Variants in SPTAN1 observed in about 807,000 individuals in gnomAD.
The protein encoded by SPTAN1 is spectrin alpha, non-erythrocytic 1, also known as spectrin alpha chain, non-erythrocytic 1.
SPTAN1 carries 61 observed loss-of-function variants against 331.3 expected under a neutral mutation model. The observed-to-expected ratio is 0.18, with a 90% CI of 0.15 to 0.23. The LOEUF (loss-of-function observed/expected upper bound fraction) is 0.23, where lower values mean the gene tolerates loss of function less well. SPTAN1 is among the 10% of genes least tolerant of loss of function. The pLI, the probability that SPTAN1 is intolerant of heterozygous loss-of-function variation, is 1.00. For synonymous variants in SPTAN1, 1,153 were observed against 1,173.9 expected, an observed-to-expected ratio of 0.98 and a Z score of 0.36; for missense variants, 2,043 against 3,147.9, an observed-to-expected ratio of 0.65 and a Z score of 8.40.
chr9:128,589,043 G>A, intron 21 of SPTAN1, 100 bp downstream of exon 21: 1 of 1,520,694 alleles, frequency 6.6e-7, no homozygotes, highest in Non-Finnish European at 8.9e-7. Context: ...AAATGAGAAG[G>A]CTTAGAATTC....
chr9:128,598,728 G>A (rs1474039647), intron 25 of SPTAN1: 11 of 639,122 alleles, frequency 1.7e-5, no homozygotes, highest in African/African-American at 3.7e-5. Context: ...TGTCTTCTCC[G>A]TAAGCTCATT....
chr9:128,615,540 C>T, intron 40 of SPTAN1, 92 bp from the exon 41 acceptor site: 1 of 1,331,728 alleles, frequency 7.5e-7, no homozygotes, highest in Non-Finnish European at 1.1e-6. Flanking sequence ...TATCAACACT[C>T]CACATCTCAG....
chr9:128,588,151 C>T (rs1010365862), intron 20 of SPTAN1, among the ~76,000 whole-genome samples: 2 of 151,838 alleles, frequency 1.3e-5, no homozygotes, highest in African/African-American at 2.4e-5. Flanking sequence ...GCGCCCGCCA[C>T]CACGCCCAGC....
intron 19 of SPTAN1, among the ~76,000 whole-genome samples, chr9:128,586,504 C>T (rs9695753): frequency 0.73 from 110,443 of 151,844 alleles, 43,820 homozygotes; most frequent in Non-Finnish European, 0.9. Flanking sequence ...CACTCACCTT[C>T]AACCGTTAAC....
intron 19 of SPTAN1, among the ~76,000 whole-genome samples, chr9:128,586,891 A>T (rs1852719234): frequency 6.6e-6 from 1 of 151,084 alleles, no homozygotes; most frequent in South Asian, 2.1e-4. Context: ...GATCTCGGAT[A>T]ACTGCAACCT....
intron 52 of SPTAN1, chr9:128,630,700 G>T: frequency 3.2e-6 from 1 of 309,576 alleles, no homozygotes; most frequent in Non-Finnish European, 6.2e-6. Flanking sequence ...GCTAATTTTT[G>T]TTTATTTTTA....
rs1853902330 is a variant in SPTAN1 at position 128,594,097 on chromosome 9, TC to T, written c.3216-77del. The T allele has an allele frequency of 8.7e-6, 12 of 1,379,910 alleles. No homozygotes were observed. The Admixed American group carries it at 1.7e-4, about 20-fold the overall frequency. 85.5% of individuals were successfully genotyped at this position (1,379,910 alleles called of 1,614,324 possible). A position where few individuals can be genotyped will look rare whatever the true frequency, so the allele number is the denominator to read the frequency against. On this transcript the variant is annotated intron_variant, in intron 23 of 56. Coordinates refer to ENST00000372739, the MANE Select transcript of SPTAN1 (RefSeq NM_001130438.3). ...CTGGAATCCACATCTTGGAGACACC[TC>T]GTGGTTTGCCTTTATGTTAGCATCT... is the stretch of plus-strand genomic sequence containing the variant.
At chr9:128,558,201 C>T (rs1197941790) in intron 1 of SPTAN1, among the ~76,000 whole-genome samples, 1 of 152,132 alleles carries the variant, frequency 6.6e-6, no homozygotes, top group Non-Finnish European at 1.5e-5. Flanking sequence ...TCATTTTATT[C>T]ATTTTATTTA....
intron 24 of SPTAN1, among the ~76,000 whole-genome samples, chr9:128,597,141 T>C (rs901556984): frequency 5.3e-4 from 80 of 151,972 alleles, no homozygotes; most frequent in African/African-American, 1.8e-3. Context: ...GTCTGGGCAA[T>C]AGAGTGAGAC....
intron 3 of SPTAN1, among the ~76,000 whole-genome samples, chr9:128,574,288 G>A (rs558826774): frequency 1.2e-3 from 182 of 148,958 alleles, no homozygotes; most frequent in Admixed American, 1.9e-3. Context: ...AGTATCAATT[G>A]TGTACCTATT....
chr9:128,588,936 C>T lies in SPTAN1; in HGVS notation c.2999C>T (p.Thr1000Ile). The change falls in exon 21 of 57, where the codon ACC (threonine) becomes ATC (isoleucine). Residue 1000 changes from threonine (T) to isoleucine (I), a missense_variant. Transcript: ENST00000372739. ...GATATCCTTACCTTACTCAACAGCA[C>T]CAACAAGGCAAGGCACAGAGAGTGG... ...KGDILTLLNS[T>I]NKDWWKVEVN... 6.2e-7 allele frequency: 1 copy of T among 1,613,984 alleles called. No individual in the cohort carries two copies.
chr9:128,561,228 C>T (rs1849299848), intron 1 of SPTAN1, among the ~76,000 whole-genome samples: 1 of 150,716 alleles, frequency 6.6e-6, no homozygotes, highest in Non-Finnish European at 1.5e-5. Flanking sequence ...CAAAAATTAG[C>T]TGGGCGTGGT....
At chr9:128,620,563 C>CA (rs1857714640) in intron 44 of SPTAN1, among the ~76,000 whole-genome samples, 1 of 152,024 alleles carries the variant, frequency 6.6e-6, no homozygotes, top group Non-Finnish European at 1.5e-5. Flanking sequence ...CTAAAAACTA[C>CA]AAAAATTAGC....
intron 1 of SPTAN1, among the ~76,000 whole-genome samples, chr9:128,562,542 G>A (rs1193965456): frequency 1.3e-5 from 2 of 152,150 alleles, no homozygotes; most frequent in Non-Finnish European, 2.9e-5. Flanking sequence ...CATGAGATAC[G>A]GCTGGAGGAG....
Position 128,577,290 on chromosome 9 carries a change from G to A in SPTAN1, c.930+17G>A, listed in dbSNP as rs117436936. ...GAAGACAAGGTGGGTTTTACAAGCAGCTGATTCTGTAAATAAGTTACCAAG... is the reference window on the plus strand; with the variant it reads ...GAAGACAAGGTGGGTTTTACAAGCAACTGATTCTGTAAATAAGTTACCAAG... On this transcript the variant is annotated intron_variant, in intron 7 of 56. Transcript: ENST00000372739. The surrounding 1 kb of genome is among the most constrained non-coding windows in gnomAD (Gnocchi z 4.2). 745 of 1,614,236 alleles carry A rather than the reference G, an allele frequency of 4.6e-4. No homozygotes were observed. Among genetic ancestry groups the A allele is most frequent in the Non-Finnish European group, 2.5e-4 (297 of 1,180,036 alleles).
At position 128,612,201 on chromosome 9, in the gene SPTAN1, G is replaced by A. The variant is rs1256789706; in HGVS notation, c.4998G>A (p.Gln1666=). The part of the protein sequence containing the change: ...SQKLKEANKQ[Q]NFNTGIKDFD... ...AACTGAAAGAAGCCAACAAGCAGCA[G>A]AACTTCAACACAGGGATCAAGGACT... The change falls in exon 39 of 57, where the codon CAG becomes CAA. Residue 1666 remains glutamine (Q), a synonymous_variant. Transcript: ENST00000372739. The A allele has an allele frequency of 3.1e-6, 5 of 1,614,174 alleles. No individual in the cohort carries two copies. The highest frequency in any genetic ancestry group is 3.4e-6 in the Non-Finnish European group (4 of 1,180,052).
chr9:128,599,530 T>G (rs1442717237), intron 26 of SPTAN1: 1 of 178,798 alleles, frequency 5.6e-6, no homozygotes, highest in Non-Finnish European at 1.2e-5. Context: ...TTTTAAGAGA[T>G]AGGGTCTTGC....
intron 20 of SPTAN1, 51 bp downstream of exon 20, chr9:128,587,749 A>G (rs1852844047): frequency 6.7e-7 from 1 of 1,493,808 alleles, no homozygotes; most frequent in African/African-American, 1.4e-5. Flanking sequence ...TGAAGGACTC[A>G]GATACTGTCA....
At chr9:128,559,910 T>C (rs1245186770) in intron 1 of SPTAN1, among the ~76,000 whole-genome samples, 5 of 150,286 alleles carry the variant, frequency 3.3e-5, no homozygotes, top group African/African-American at 4.9e-5. Flanking sequence ...ACTTTTTGTA[T>C]TGTTAGTAGA....
Sources: allele counts gnomAD v4.1 joint callset (sites outside exome capture counted in the v4.1 genomes callset), GRCh38; gene constraint gnomAD v4.1.1; non-coding constraint Gnocchi (gnomAD v3.1); transcripts MANE v1.5; gene names NCBI Gene and HGNC (gene_info 2026-07-23, HGNC 2026-07-21).